Variants in F8 observed in about 807,000 individuals in gnomAD.
F8 encodes the protein antihemophilic factor.
F8 carries 12 observed loss-of-function variants against 140.6 expected under a neutral mutation model. That is an observed-to-expected ratio of 0.09 (90% CI 0.05 to 0.14). The LOEUF (loss-of-function observed/expected upper bound fraction) is 0.14. Ranked by LOEUF, F8 falls within the 10% of genes least tolerant of loss-of-function variation. F8 has a pLI of 1.00. For synonymous variants in F8, 585 were observed against 614.6 expected (o/e 0.95, Z 0.71); for missense variants, 1,354 against 1,720.7 (o/e 0.79, Z 3.77).
chrX:155,009,524 G>A (rs1445906472), intron 1 of F8, among the ~76,000 whole-genome samples: 1 of 110,786 alleles, frequency 9.0e-6, no homozygotes, highest in Non-Finnish European at 1.9e-5. Flanking sequence ...ATCACCTGAG[G>A]TCAGGAGTTC....
intron 20 of F8, among the ~76,000 whole-genome samples, chrX:154,900,728 T>C (rs2073005466): frequency 8.9e-6 from 1 of 111,833 alleles, no homozygotes; most frequent in Non-Finnish European, 1.9e-5. Flanking sequence ...GTTGGCAAAC[T>C]TTTTCTGTAA....
chrX:154,995,244 G>C (rs1454436807), intron 3 of F8, among the ~76,000 whole-genome samples: 1 of 111,897 alleles, frequency 8.9e-6, no homozygotes, highest in Non-Finnish European at 1.9e-5. Context: ...AGGGGCGGGA[G>C]CACATGTTGG....
intron 13 of F8, among the ~76,000 whole-genome samples, chrX:154,940,630 G>T (rs2073256081): frequency 8.9e-6 from 1 of 111,855 alleles, no homozygotes; most frequent in African/African-American, 3.3e-5. Flanking sequence ...ATCTAGCAAG[G>T]CAGGCCAACA....
chrX:154,937,690 CA>C (rs2073232106), intron 13 of F8, among the ~76,000 whole-genome samples: 1 of 110,951 alleles, frequency 9.0e-6, no homozygotes, highest in South Asian at 3.7e-4. Context: ...ATTATAATAG[CA>C]TTAAATACCA....
chrX:154,906,423 G>A lies in F8; in HGVS notation c.5370C>T (p.Ile1790=). 8.3e-7 allele frequency: 1 copy of A among 1,207,958 alleles called. No homozygotes were observed. Among genetic ancestry groups the A allele is most frequent in the Non-Finnish European group, 1.1e-6 (1 of 892,786 alleles). ...PYIRAEVEDN[I]MVTFRNQASR... ...AATTCCACTGTCCTTAACTCACCAT[G>A]ATATTATCTTCAACTTCTGCTCTTA... is the stretch of plus-strand genomic sequence containing the variant. The change falls in exon 15 of 26, where the codon ATC becomes ATT. Residue 1790 remains isoleucine (I), a synonymous_variant. Transcript: ENST00000360256.
chrX:154,936,694 T>G (rs2073226825), intron 13 of F8, among the ~76,000 whole-genome samples: 1 of 111,716 alleles, frequency 9.0e-6, no homozygotes, highest in African/African-American at 3.2e-5. Context: ...ATCAGGAAGT[T>G]TATAAGGATT....
intron 13 of F8, among the ~76,000 whole-genome samples, chrX:154,932,582 G>A (rs782768002): frequency 2.7e-5 from 3 of 111,924 alleles, no homozygotes; most frequent in Non-Finnish European, 5.6e-5. Flanking sequence ...TACATTCTAT[G>A]TGCAGCCAAA....
chrX:154,965,878 G>C (rs1295913013), intron 9 of F8, 92 bp downstream of exon 9: 25 of 844,848 alleles, frequency 3.0e-5, no homozygotes, highest in Non-Finnish European at 3.9e-5. Flanking sequence ...CATGTCCATT[G>C]GAGACAAGGC....
Position 154,957,136 on chromosome X carries a change from C to T in F8, c.1573G>A (p.Gly525Arg), listed in dbSNP as rs1357976820. 4 of 1,209,189 alleles carry T rather than the reference C, an allele frequency of 3.3e-6. No individual in the cohort carries two copies. Among genetic ancestry groups the T allele is most frequent in the South Asian group, 1.8e-5 (1 of 56,800 alleles). ...KHLKDFPILP[G>R]EIFKYKWTVT... is the part of the protein sequence containing the mutation. ...GTCCATTTATATTTGAATATTTCTC[C>T]TGGCAGAATTGGAAAATCCTTCAAA... The change falls in exon 11 of 26, where the codon GGA (glycine) becomes AGA (arginine). Residue 525 changes from glycine to arginine, a missense_variant. This residue lies in a region of F8 where 252 missense variants were observed against 338.5 expected (regional missense o/e 0.74). Transcript: ENST00000360256.
intron 25 of F8, among the ~76,000 whole-genome samples, chrX:154,852,651 G>A (rs1557272226): frequency 1.8e-5 from 2 of 110,872 alleles, no homozygotes; most frequent in Admixed American, 9.6e-5. Flanking sequence ...CTCCTCCAAC[G>A]TTGTTCTTTT....
intron 4 of F8, among the ~76,000 whole-genome samples, chrX:154,989,121 G>GA (rs782176007): frequency 1.8e-5 from 2 of 111,932 alleles, no homozygotes; most frequent in South Asian, 3.7e-4. Context: ...GTGGAGGATG[G>GA]AAAAATGGCT....
At chrX:154,880,777 G>A (rs2072853994) in intron 22 of F8, among the ~76,000 whole-genome samples, 1 of 111,948 alleles carries the variant, frequency 8.9e-6, no homozygotes, top group African/African-American at 3.3e-5. Context: ...ATCAACTGAT[G>A]AGTAGATAAA....
intron 1 of F8, among the ~76,000 whole-genome samples, chrX:155,016,706 G>A (rs2073735972): frequency 8.9e-6 from 1 of 112,895 alleles, no homozygotes; most frequent in South Asian, 3.6e-4. Context: ...AAACAAATCT[G>A]TAACTTCCAG....
chrX:154,951,269 A>C (rs1418810412), intron 12 of F8, among the ~76,000 whole-genome samples: 1 of 112,062 alleles, frequency 8.9e-6, no homozygotes, highest in Non-Finnish European at 1.9e-5. Flanking sequence ...TTTAAAACAC[A>C]AAATTATAAA....
chrX:154,921,712 A>T, intron 14 of F8, among the ~76,000 whole-genome samples: 1 of 111,739 alleles, frequency 8.9e-6, no homozygotes, highest in African/African-American at 3.3e-5. Flanking sequence ...AAAAAGGATG[A>T]GTTCATGTCC....
chrX:154,873,791 T>C (rs2072792696), intron 22 of F8, among the ~76,000 whole-genome samples: 1 of 111,788 alleles, frequency 8.9e-6, no homozygotes, highest in Non-Finnish European at 1.9e-5. Context: ...AATATCCACA[T>C]GCAGAAGAAA....
intron 25 of F8, among the ~76,000 whole-genome samples, chrX:154,858,437 C>A (rs1462537254): frequency 8.9e-6 from 1 of 112,652 alleles, no homozygotes; most frequent in African/African-American, 3.2e-5. Context: ...ATATGTTCAT[C>A]ATGGAAGGGG....
rs28767476 is a variant in F8, at chrX:154,914,248, G to A, written c.5220-7675C>T. On this transcript the variant is annotated intron_variant, in intron 14 of 25. Coordinates refer to ENST00000360256, the MANE Select transcript of F8 (RefSeq NM_000132.4). ...CAGGGGAGCCCTGGACCCAGGCCACGAAAGCATTTTTCCCTCCTAGGCCTC... is the reference window on the plus strand; with the variant it reads ...CAGGGGAGCCCTGGACCCAGGCCACAAAAGCATTTTTCCCTCCTAGGCCTC... Among the ~76,000 whole-genome samples the A allele has an allele frequency of 2.8e-4, 32 of 112,861 alleles. No homozygotes were observed. In the East Asian group the frequency reaches 6.7e-3, roughly 24 times the overall value.
intron 14 of F8, among the ~76,000 whole-genome samples, chrX:154,920,595 G>A (rs782497354): frequency 5.5e-5 from 6 of 110,009 alleles, no homozygotes; most frequent in Admixed American, 2.9e-4. Context: ...TGGGACTACA[G>A]GCATGCACCA....
Sources: allele counts gnomAD v4.1 joint callset (sites outside exome capture counted in the v4.1 genomes callset), GRCh38; gene constraint gnomAD v4.1.1; regional missense constraint gnomAD v4.1.1; transcripts MANE v1.5; gene names NCBI Gene and HGNC (gene_info 2026-07-23, HGNC 2026-07-21).